Variants in CDKAL1 observed in about 807,000 individuals in gnomAD.
CDKAL1 encodes the protein threonylcarbamoyladenosine tRNA methylthiotransferase.
A neutral mutation model predicts 68.2 loss-of-function variants in CDKAL1; 32 were observed. That is an observed-to-expected ratio of 0.47 (90% CI 0.35 to 0.63). CDKAL1 has a LOEUF of 0.63. CDKAL1 is among the 30% of genes least tolerant of loss of function. CDKAL1 has a pLI of 0.00. For synonymous variants in CDKAL1, 234 were observed against 244.3 expected, an observed-to-expected ratio of 0.96 and a Z score of 0.39; for missense variants, 606 against 696.7, an observed-to-expected ratio of 0.87 and a Z score of 1.47.
At chr6:21,067,583 C>T (rs557458582) in intron 12 of CDKAL1, among the ~76,000 whole-genome samples, 2 of 152,160 alleles carry the variant, frequency 1.3e-5, no homozygotes, top group Non-Finnish European at 2.9e-5. Context: ...CTGCAGCACT[C>T]CAGCCTGGGC....
At chr6:21,167,469 A>G (rs1288591716) in intron 13 of CDKAL1, among the ~76,000 whole-genome samples, 1 of 152,234 alleles carries the variant, frequency 6.6e-6, no homozygotes, top group East Asian at 1.9e-4. Flanking sequence ...TGAAAACCCT[A>G]TCCAACAATA....
intron 11 of CDKAL1, among the ~76,000 whole-genome samples, chr6:21,022,507 G>A (rs1322466727): frequency 6.6e-6 from 1 of 152,140 alleles, no homozygotes; most frequent in Non-Finnish European, 1.5e-5. Flanking sequence ...GTTGATTTAA[G>A]TTGTCAAGAG....
chr6:20,576,866 T>G (rs1422067854), intron 4 of CDKAL1, among the ~76,000 whole-genome samples: 1 of 152,186 alleles, frequency 6.6e-6, no homozygotes, highest in East Asian at 1.9e-4. Flanking sequence ...ATGAATGGAA[T>G]TAGTTGTTTG....
intron 13 of CDKAL1, among the ~76,000 whole-genome samples, chr6:21,114,551 A>G (rs976828570): frequency 6.6e-6 from 1 of 152,054 alleles, no homozygotes; most frequent in East Asian, 1.9e-4. Context: ...TGGACAACGT[A>G]AGGAGACTCC....
intron 4 of CDKAL1, among the ~76,000 whole-genome samples, chr6:20,629,935 C>T (rs1265736756): frequency 6.6e-6 from 1 of 152,114 alleles, no homozygotes; most frequent in Non-Finnish European, 1.5e-5. Context: ...ATCACTGCAG[C>T]CTCTGCCTCC....
intron 7 of CDKAL1, chr6:20,773,177 C>A (rs1369551701): frequency 1.3e-5 from 2 of 152,180 alleles, no homozygotes; most frequent in East Asian, 3.8e-4. Flanking sequence ...AGACTTGTGA[C>A]AAAGCTGCTT....
chr6:20,647,812 G>C (rs1768548976), intron 4 of CDKAL1, among the ~76,000 whole-genome samples: 1 of 152,120 alleles, frequency 6.6e-6, no homozygotes, highest in Non-Finnish European at 1.5e-5. Flanking sequence ...CTATGGTCTG[G>C]GGGTAGAGGA....
At chr6:20,544,511 G>A (rs898672432) in intron 2 of CDKAL1, among the ~76,000 whole-genome samples, 3 of 148,748 alleles carry the variant, frequency 2.0e-5, no homozygotes, top group African/African-American at 7.5e-5. Flanking sequence ...CAGGAGAATG[G>A]CGTGAACCCA....
At chr6:21,056,911 G>T (rs1770867280) in intron 11 of CDKAL1, among the ~76,000 whole-genome samples, 1 of 152,104 alleles carries the variant, frequency 6.6e-6, no homozygotes, top group South Asian at 2.1e-4. Flanking sequence ...ATGTGCTGCT[G>T]GATTTTGTTT....
chr6:20,903,275 G>C (rs1671092069), intron 9 of CDKAL1, among the ~76,000 whole-genome samples: 1 of 152,102 alleles, frequency 6.6e-6, no homozygotes, highest in Non-Finnish European at 1.5e-5. Context: ...GAGGATGTTA[G>C]TCTTTGAAAT....
intron 9 of CDKAL1, among the ~76,000 whole-genome samples, chr6:20,871,504 G>C (rs1760213164): frequency 6.6e-6 from 1 of 152,106 alleles, no homozygotes; most frequent in African/African-American, 2.4e-5. Context: ...TTGCACCCAA[G>C]TTCGGTCTCT....
intron 8 of CDKAL1, among the ~76,000 whole-genome samples, chr6:20,818,075 G>A (rs1455919864): frequency 6.6e-6 from 1 of 152,098 alleles, no homozygotes; most frequent in Non-Finnish European, 1.5e-5. Context: ...TGTTCCCAAA[G>A]GTGCTCTCCT....
chr6:21,181,030 G>A (rs1777768248), intron 13 of CDKAL1, among the ~76,000 whole-genome samples: 1 of 152,184 alleles, frequency 6.6e-6, no homozygotes, highest in Admixed American at 6.5e-5. Flanking sequence ...AGATCATGTG[G>A]TGAAGAGCAC....
chr6:21,164,755 A>T (rs1012697799), intron 13 of CDKAL1, among the ~76,000 whole-genome samples: 19 of 152,108 alleles, frequency 1.2e-4, no homozygotes, highest in African/African-American at 4.6e-4. Context: ...AACTGGATTC[A>T]CTGTATTCAT....
rs118034781 is a variant in CDKAL1 at position 21,153,484 on chromosome 6, C to T, written c.1300-44537C>T. On this transcript the variant is annotated intron_variant, in intron 13 of 15. Coordinates refer to ENST00000274695, the MANE Select transcript of CDKAL1 (RefSeq NM_017774.3). ...TTAATCATAATGTAGGCTGTATCAC[C>T]TCTAGATTTGTGTGCCCATATGAGA... 5.5e-4 allele frequency among the ~76,000 whole-genome samples: 83 copies of T among 152,182 alleles called. No individual in the cohort carries two copies. In the East Asian group the frequency reaches 0.015, roughly 28 times the overall value.
intron 10 of CDKAL1, among the ~76,000 whole-genome samples, chr6:20,974,156 C>T (rs973564602): frequency 2.6e-4 from 39 of 152,198 alleles, no homozygotes; most frequent in African/African-American, 9.2e-4. Context: ...CTCTCTAGGT[C>T]TAAGATGGCT....
chr6:20,736,048 C>T (rs773196719), intron 5 of CDKAL1, among the ~76,000 whole-genome samples: 3 of 152,176 alleles, frequency 2.0e-5, no homozygotes, highest in Non-Finnish European at 4.4e-5. Flanking sequence ...GCTAGAATCT[C>T]AGATTCAGTG....
At chr6:20,936,620 C>G (rs911494303) in intron 9 of CDKAL1, among the ~76,000 whole-genome samples, 7 of 152,006 alleles carry the variant, frequency 4.6e-5, no homozygotes, top group African/African-American at 1.7e-4. Context: ...CTAAATACCA[C>G]TTGCTGATGA....
At chr6:20,826,595 T>C (rs1350292834) in intron 8 of CDKAL1, among the ~76,000 whole-genome samples, 1 of 152,146 alleles carries the variant, frequency 6.6e-6, no homozygotes, top group Admixed American at 6.6e-5. Context: ...TTTTAATAGA[T>C]AAACGTCTGG....
Sources: gnomAD v4.1 joint callset for allele counts (sites outside exome capture counted in the v4.1 genomes callset) on GRCh38, gnomAD v4.1.1 for gene constraint, MANE v1.5 for transcripts, NCBI Gene and HGNC (gene_info 2026-07-23, HGNC 2026-07-21) for gene names.